SLC16A12: variants seen among roughly 807,000 people sequenced by gnomAD.
SLC16A12 encodes solute carrier family 16 member 12, also known as monocarboxylate transporter 12.
A neutral mutation model predicts 42.4 loss-of-function variants in SLC16A12; 17 were observed. The observed-to-expected ratio is 0.40, with a 90% CI of 0.27 to 0.60. SLC16A12 has a LOEUF of 0.60. SLC16A12 is among the 20% of genes least tolerant of loss of function. SLC16A12 has a pLI of 0.42. For missense variants in SLC16A12, 544 were observed against 623.0 expected (o/e 0.87, Z 1.35); for synonymous variants, 224 against 229.4 (o/e 0.98, Z 0.21).
rs771356705 is a variant in SLC16A12, at chr10:89,438,895, T to C, written c.737A>G (p.Lys246Arg). ...PEQNHVCRTQKEDIKRVSPYS... is the reference protein window; with the variant it reads ...PEQNHVCRTQREDIKRVSPYS... ...GGGAGACACCCGCTTAATGTCTTCTTTCTGAGTTCTACACACATGGTTCTG... is the reference window on the plus strand; with the variant it reads ...GGGAGACACCCGCTTAATGTCTTCTCTCTGAGTTCTACACACATGGTTCTG... Residue 246 changes from lysine to arginine, a missense_variant, in exon 6 of 8, where the codon AAA becomes AGA. Transcript: ENST00000371790. 4.2e-5 allele frequency: 67 copies of C among 1,613,306 alleles called. No homozygotes were observed. The highest frequency in any genetic ancestry group is 1.6e-4 in the Middle Eastern group (1 of 6,080).
rs75715302 is a variant in SLC16A12, at chr10:89,546,833, C to G, written c.-47+9049G>C. ...ATAAAGAAAATGTGGTACATATACA[C>G]CATGGAATACTATGCAGCCATAAAA... On this transcript the variant is annotated intron_variant, in intron 2 of 2. Transcript: ENST00000475682. Among the ~76,000 whole-genome samples the G allele has an allele frequency of 0.027, 4,141 of 152,278 alleles. 262 individuals are homozygous for G. In the East Asian group the frequency reaches 0.29, roughly 11 times the overall value.
intron 7 of SLC16A12, among the ~76,000 whole-genome samples, chr10:89,433,974 G>A (rs1258254354): frequency 6.6e-6 from 1 of 152,142 alleles, no homozygotes; most frequent in Non-Finnish European, 1.5e-5. Context: ...CAGAAAACCA[G>A]TGGAATAACA....
At chr10:89,533,716 A>C (rs1248709436) in intron 2 of SLC16A12, among the ~76,000 whole-genome samples, 2 of 152,084 alleles carry the variant, frequency 1.3e-5, no homozygotes, top group East Asian at 3.8e-4. Flanking sequence ...CTGTATATCC[A>C]TAATATAAAA....
At chr10:89,478,752 AG>A (rs1842618759) in intron 2 of SLC16A12, among the ~76,000 whole-genome samples, 1 of 152,210 alleles carries the variant, frequency 6.6e-6, no homozygotes, top group Non-Finnish European at 1.5e-5. Context: ...AATAGTCTGC[AG>A]GGTACCTCAA....
chr10:89,436,023 G>GA lies in SLC16A12; in HGVS notation c.1288+36dup, dbSNP rs1564823398. 1.9e-6 allele frequency: 3 copies of GA among 1,612,536 alleles called. No individual in the cohort carries two copies. In the South Asian group the frequency reaches 3.3e-5, roughly 18 times the overall value. Reference sequence around the variant, plus strand: ...GCTGTTTTCACATCAATATGCCAAAGAGAAAAGGTGGTTGGGGTTTCTCTC... The same window carrying GA: ...GCTGTTTTCACATCAATATGCCAAAGAAGAAAAGGTGGTTGGGGTTTCTCTC... On this transcript the variant is annotated intron_variant, in intron 7 of 7. Transcript: ENST00000371790.
chr10:89,468,756 C>T (rs540105047), intron 2 of SLC16A12, among the ~76,000 whole-genome samples: 1 of 152,294 alleles, frequency 6.6e-6, no homozygotes, highest in Non-Finnish European at 1.5e-5. Context: ...AATTCTCCCA[C>T]AACATTAACC....
intron 2 of SLC16A12, among the ~76,000 whole-genome samples, chr10:89,493,017 G>A (rs1842868769): frequency 6.6e-6 from 1 of 152,078 alleles, no homozygotes; most frequent in Non-Finnish European, 1.5e-5. Context: ...GGAAGATGTG[G>A]CTTCTTTTCA....
At chr10:89,500,728 A>C (rs1842981315) in intron 2 of SLC16A12, among the ~76,000 whole-genome samples, 1 of 152,166 alleles carries the variant, frequency 6.6e-6, no homozygotes, top group South Asian at 2.1e-4. Flanking sequence ...TCCTGCTGAG[A>C]ACTGGAACAA....
intron 2 of SLC16A12, among the ~76,000 whole-genome samples, chr10:89,547,950 T>G (rs146322747): frequency 1.6e-5 from 2 of 127,234 alleles, no homozygotes; most frequent in East Asian, 4.6e-4. Context: ...ATCAAGCCAC[T>G]GCACTCCAGC....
chr10:89,541,671 G>A (rs574175204), intron 2 of SLC16A12, among the ~76,000 whole-genome samples: 12 of 152,282 alleles, frequency 7.9e-5, no homozygotes, highest in Non-Finnish European at 1.3e-4. Flanking sequence ...CAAGGTCTGC[G>A]CTACTGATAT....
chr10:89,498,695 C>G, intron 2 of SLC16A12, among the ~76,000 whole-genome samples: 1 of 152,126 alleles, frequency 6.6e-6, no homozygotes, highest in East Asian at 1.9e-4. Flanking sequence ...CCCGAGAGGA[C>G]CCACAGACCC....
chr10:89,522,396 A>C (rs796793017), intron 2 of SLC16A12, among the ~76,000 whole-genome samples: 6 of 152,116 alleles, frequency 3.9e-5, no homozygotes, highest in African/African-American at 1.4e-4. Context: ...ATGGTCCATC[A>C]CTTCAATTGC....
At chr10:89,448,742 G>A (rs1329071280) in intron 3 of SLC16A12, among the ~76,000 whole-genome samples, 1 of 152,142 alleles carries the variant, frequency 6.6e-6, no homozygotes, top group Non-Finnish European at 1.5e-5. Context: ...ACATAGTGTT[G>A]GACGTTCTGG....
chr10:89,443,525 A>G (rs1289857113), intron 4 of SLC16A12, among the ~76,000 whole-genome samples: 1 of 152,208 alleles, frequency 6.6e-6, no homozygotes, highest in Non-Finnish European at 1.5e-5. Flanking sequence ...TTTTGAGTGT[A>G]TTATCTAACT....
intron 2 of SLC16A12, among the ~76,000 whole-genome samples, chr10:89,545,028 C>A (rs1399512994): frequency 1.3e-5 from 2 of 152,164 alleles, no homozygotes; most frequent in Non-Finnish European, 2.9e-5. Flanking sequence ...GTTATACCTC[C>A]ATCTGGCTCT....
intron 3 of SLC16A12, among the ~76,000 whole-genome samples, chr10:89,452,261 T>C (rs1220646577): frequency 1.3e-5 from 2 of 152,062 alleles, no homozygotes; most frequent in Non-Finnish European, 2.9e-5. Context: ...AACAGTTGAG[T>C]TAGTTTTGTG....
rs751959860 is a variant in SLC16A12 at position 89,438,880 on chromosome 10, C to T, written c.752G>A (p.Arg251Gln). The change falls in exon 6 of 8, where the codon CGG becomes CAG. Residue 251 changes from arginine (R) to glutamine (Q), a missense_variant. By Grantham distance (43) the Arg-to-Gln change is conservative (BLOSUM62 1). Transcript: ENST00000371790. ...GGTCAAAGATGAATAGGGAGACACCCGCTTAATGTCTTCTTTCTGAGTTCT... is the reference window on the plus strand; with the variant it reads ...GGTCAAAGATGAATAGGGAGACACCTGCTTAATGTCTTCTTTCTGAGTTCT... ...VCRTQKEDIK[R>Q]VSPYSSLTKE... 5.6e-6 allele frequency: 9 copies of T among 1,612,650 alleles called. No homozygotes were observed. In the East Asian group the frequency reaches 6.7e-5, roughly 12 times the overall value.
intron 3 of SLC16A12, among the ~76,000 whole-genome samples, chr10:89,462,082 C>G (rs1189217979): frequency 6.6e-6 from 1 of 152,158 alleles, no homozygotes; most frequent in African/African-American, 2.4e-5. Context: ...GAAAAGATCA[C>G]TATCTGGGAC....
At chr10:89,520,720 CAA>C (rs10712043) in intron 2 of SLC16A12, among the ~76,000 whole-genome samples, 78 of 100,094 alleles carry the variant, frequency 7.8e-4, no homozygotes, top group South Asian at 1.1e-3. Flanking sequence ...TCACATAGGC[CAA>C]AAAAAAAAAA....
Sources: allele counts gnomAD v4.1 joint callset (sites outside exome capture counted in the v4.1 genomes callset), GRCh38; gene constraint gnomAD v4.1.1; transcripts MANE v1.5; gene names NCBI Gene and HGNC (gene_info 2026-07-23, HGNC 2026-07-21).